Variants in DOCK9 observed in about 807,000 individuals in gnomAD.
DOCK9 encodes the protein dedicator of cytokinesis protein 9.
In DOCK9, 89 loss-of-function variants were observed where a neutral mutation model predicts 263.3. The observed-to-expected ratio is 0.34, with a 90% confidence interval of 0.28 to 0.40. DOCK9 has a LOEUF of 0.40. Among genes scored for constraint, DOCK9 ranks in the 10% least tolerant of loss-of-function variants. The pLI is 1.00. For synonymous variants in DOCK9, 976 were observed against 973.1 expected, an observed-to-expected ratio of 1.00 and a Z score of -0.06; for missense variants, 2,140 against 2,603.4, an observed-to-expected ratio of 0.82 and a Z score of 3.87.
At chr13:98,945,798 C>T (rs1165373404) in intron 2 of DOCK9, among the ~76,000 whole-genome samples, 1 of 152,150 alleles carries the variant, frequency 6.6e-6, no homozygotes, top group African/African-American at 2.4e-5. Flanking sequence ...AAGATCCCTG[C>T]CTCCTGGAGT....
At chr13:98,942,245 T>TG (rs1567040748) in intron 2 of DOCK9, among the ~76,000 whole-genome samples, 33 of 150,260 alleles carry the variant, frequency 2.2e-4, no homozygotes, top group African/African-American at 8.1e-4. Context: ...GTTTTTTTTT[T>TG]TTGTTTTTTT....
rs2093829583 is a variant in DOCK9 at position 98,860,477 on chromosome 13, C to G, written c.3625G>C (p.Val1209Leu). 5 of 1,585,732 alleles carry G rather than the reference C, an allele frequency of 3.2e-6. No homozygotes were observed. The highest frequency in any genetic ancestry group is 3.5e-5 in the Admixed American group (2 of 56,484). ...SLALPAVNPL[V>L]TPQKGSTLDN... ...AGGGTGCTTCCCTTCTGCGGCGTCA[C>G]CAGCGGATTCACAGCTGGTAGAGCC... is the stretch of plus-strand genomic sequence containing the variant. Residue 1209 changes from valine (V) to leucine (L), a missense_variant, in exon 33 of 53, where the codon GTG (valine) becomes CTG (leucine). By Grantham distance (32) the Val-to-Leu change is conservative. Transcript: ENST00000682017.
chr13:98,870,130 G>A (rs1175242747), intron 27 of DOCK9, among the ~76,000 whole-genome samples: 3 of 152,170 alleles, frequency 2.0e-5, no homozygotes, highest in Non-Finnish European at 2.9e-5. Context: ...CTAAAACTGG[G>A]AACTGCAACC....
intron 1 of DOCK9, among the ~76,000 whole-genome samples, chr13:99,004,559 GA>G (rs1882964494): frequency 6.6e-6 from 1 of 152,300 alleles, no homozygotes; most frequent in East Asian, 1.9e-4. Context: ...AAGAAGCAGA[GA>G]AAACACCTAT....
intron 13 of DOCK9, among the ~76,000 whole-genome samples, chr13:98,901,278 C>G (rs2048239570): frequency 6.6e-6 from 1 of 152,218 alleles, no homozygotes; most frequent in Non-Finnish European, 1.5e-5. Context: ...AAACATACAT[C>G]ATGTATGTTT....
chr13:99,048,584 C>CG (rs2142186335), intron 1 of DOCK9, among the ~76,000 whole-genome samples: 1 of 152,308 alleles, frequency 6.6e-6, no homozygotes, highest in Non-Finnish European at 1.5e-5. Context: ...GGTGCTTCTT[C>CG]CAGTGTTTGC....
In DOCK9 at chr13:98,848,627, G is replaced by GTGCAGGCAGACTC; in HGVS notation, c.4014-1_4025dup (p.His1342GlnfsTer28). The GTGCAGGCAGACTC allele has an allele frequency of 6.2e-7, 1 of 1,612,564 alleles. No individual in the cohort carries two copies. Among genetic ancestry groups the GTGCAGGCAGACTC allele is most frequent in the Non-Finnish European group, 8.5e-7 (1 of 1,179,486 alleles). On this transcript the variant is annotated frameshift_variant, in exon 37 of 53. Coordinates refer to ENST00000682017, the MANE Select transcript of DOCK9 (RefSeq NM_001366683.2). LOFTEE classifies it high-confidence loss of function. The stretch of plus-strand genomic sequence containing the variant: ...ATCGCTTCCCCATGTACTGGAACTG[G>GTGCAGGCAGACTC]TGCAGGCAGACTCTGCAGGCAAGAT...
intron 1 of DOCK9, among the ~76,000 whole-genome samples, chr13:99,050,285 A>G (rs1191171607): frequency 2.0e-5 from 3 of 152,224 alleles, no homozygotes; most frequent in Non-Finnish European, 4.4e-5. Context: ...AGGAGAAAAA[A>G]AAAGCAAAAC....
intron 39 of DOCK9, chr13:98,834,390 C>G (rs1255891323): frequency 7.2e-5 from 11 of 152,184 alleles, no homozygotes; most frequent in Admixed American, 7.2e-4. Flanking sequence ...TTGCCAATCA[C>G]TAAGACGACC....
intron 2 of DOCK9, chr13:98,949,930 C>A (rs2057206821): frequency 6.3e-6 from 3 of 478,046 alleles, no homozygotes; most frequent in South Asian, 1.6e-5. Context: ...CCCAGGTGCT[C>A]CTCAATTGCT....
At chr13:99,016,599 C>T (rs1038917991) in intron 1 of DOCK9, among the ~76,000 whole-genome samples, 1 of 152,184 alleles carries the variant, frequency 6.6e-6, no homozygotes, top group Non-Finnish European at 1.5e-5. Context: ...GTAGACTGAA[C>T]TCAGTGACAC....
In DOCK9 at chr13:98,999,951, C is replaced by T. The variant is rs181202433; in HGVS notation, c.130-44400G>A. On this transcript the variant is annotated intron_variant, in intron 1 of 32. Transcript: ENST00000427887. Reference sequence around the variant, plus strand: ...TCCCAGGCACCATGACCACTCCCTGCCTTGTTATTTGGCAAAGAACTGGTT... The same window carrying T: ...TCCCAGGCACCATGACCACTCCCTGTCTTGTTATTTGGCAAAGAACTGGTT... Among the ~76,000 whole-genome samples, 3 of 152,180 alleles carry T rather than the reference C, an allele frequency of 2.0e-5. No homozygotes were observed. In the East Asian group the frequency reaches 5.8e-4, roughly 29 times the overall value.
intron 9 of DOCK9, among the ~76,000 whole-genome samples, chr13:98,913,202 A>G (rs1337100494): frequency 6.6e-6 from 1 of 152,208 alleles, no homozygotes; most frequent in African/African-American, 2.4e-5. Flanking sequence ...GTCTATTTAT[A>G]ATCCTATATA....
chr13:99,059,892 G>C (rs747391595), intron 1 of DOCK9, among the ~76,000 whole-genome samples: 10 of 151,968 alleles, frequency 6.6e-5, no homozygotes, highest in Non-Finnish European at 1.0e-4. Context: ...CGTATAAATG[G>C]AATGCAACAA....
intron 1 of DOCK9, among the ~76,000 whole-genome samples, chr13:98,963,400 A>G (rs1263255205): frequency 6.6e-6 from 1 of 152,238 alleles, no homozygotes; most frequent in Non-Finnish European, 1.5e-5. Context: ...ATGTTCGCCC[A>G]CAAACTGAGT....
intron 32 of DOCK9, among the ~76,000 whole-genome samples, chr13:98,862,620 T>C (rs1290181427): frequency 2.0e-5 from 3 of 149,886 alleles, no homozygotes; most frequent in Non-Finnish European, 4.4e-5. Context: ...ACCTGGGAGG[T>C]GGAGGTTGCA....
chr13:99,052,818 T>A (rs1275489251), intron 1 of DOCK9, among the ~76,000 whole-genome samples: 1 of 152,044 alleles, frequency 6.6e-6, no homozygotes, highest in Non-Finnish European at 1.5e-5. Context: ...TTGCCCAGGC[T>A]CTTTGCCCAT....
At chr13:98,987,944 A>T (rs529122808) in intron 1 of DOCK9, among the ~76,000 whole-genome samples, 363 of 143,834 alleles carry the variant, frequency 2.5e-3, no homozygotes, top group African/African-American at 8.4e-3. Flanking sequence ...AGCATATAAA[A>T]TTTTTTTTAA....
chr13:99,037,058 TA>T (rs201793720), intron 1 of DOCK9, among the ~76,000 whole-genome samples: 1,849 of 152,288 alleles, frequency 0.012, 34 homozygotes, highest in South Asian at 0.057. Flanking sequence ...CAGTATTTTT[TA>T]AAAAGACAAC....
Sources: gnomAD v4.1 joint callset for allele counts (sites outside exome capture counted in the v4.1 genomes callset) on GRCh38, gnomAD v4.1.1 for gene constraint, MANE v1.5 for transcripts, NCBI Gene and HGNC (gene_info 2026-07-23, HGNC 2026-07-21) for gene names.